NPDC1: variants seen among roughly 807,000 people sequenced by gnomAD.
NPDC1 encodes the protein neural proliferation, differentiation and control 1.
A neutral mutation model predicts 32.5 loss-of-function variants in NPDC1; 18 were observed. The observed-to-expected ratio is 0.55, with a 90% CI of 0.38 to 0.82. NPDC1 has a LOEUF of 0.82. NPDC1 is among the 40% of genes least tolerant of loss of function. NPDC1 has a pLI of 0.00. For synonymous variants in NPDC1, 210 were observed against 184.7 expected, an observed-to-expected ratio of 1.14 and a Z score of -1.11; for missense variants, 468 against 406.6, an observed-to-expected ratio of 1.15 and a Z score of -1.30.
At chr9:137,042,759 T>C (rs536242931) in intron 2 of NPDC1, 168 bp downstream of exon 2, 14 of 728,844 alleles carry the variant, frequency 1.9e-5, no homozygotes, top group South Asian at 1.8e-4. Flanking sequence ...GGTTTCACCA[T>C]GTTGGCCAGG....
chr9:137,040,451 A>C lies in NPDC1; in HGVS notation c.709-15T>G, dbSNP rs201771617. 5.6e-3 allele frequency: 8,665 copies of C among 1,558,722 alleles called. 34 individuals are homozygous for C. Among genetic ancestry groups the C allele is most frequent in the Non-Finnish European group, 6.7e-3 (7,711 of 1,153,226 alleles). ...TGGTCCCCAGGCTGTGGGAAGGAGG[A>C]GGCGAGGGTCAGTTGGCGGCCAGAG... On this transcript the variant is annotated splice_polypyrimidine_tract_variant and intron_variant, in intron 6 of 8. Coordinates refer to ENST00000371601, the MANE Select transcript of NPDC1 (RefSeq NM_015392.4).
chr9:137,041,262 G>A (rs1242978285), intron 2 of NPDC1, 75 bp from the exon 3 acceptor site: 2 of 1,334,174 alleles, frequency 1.5e-6, no homozygotes, highest in East Asian at 3.0e-5. Flanking sequence ...CCCCGCTTCT[G>A]GCAGGTTCCT....
intron 2 of NPDC1, chr9:137,042,722 G>A (rs1832075924): frequency 1.7e-6 from 1 of 583,994 alleles, no homozygotes; most frequent in South Asian, 2.4e-5. Flanking sequence ...ACCACACCCG[G>A]CTACTTTGTA....
At position 137,040,553 on chromosome 9, in the gene NPDC1, A is replaced by G. The variant is rs1450527468; in HGVS notation, c.669T>C (p.Thr223=). The change falls in exon 6 of 9, where the codon ACT becomes ACC. Residue 223 remains threonine, a synonymous_variant. Coordinates refer to ENST00000371601, the MANE Select transcript of NPDC1 (RefSeq NM_015392.4). ...CTGCAGGTGAGCCAGGGGCCTTCGC[A>G]GTGGCGTAGTCGGCCTTCTGAGTCA... ...IRLTQKADYA[T]AKAPGSPAAP... is the part of the protein sequence containing the mutation. 6 of 1,587,038 alleles carry G rather than the reference A, an allele frequency of 3.8e-6. No homozygotes were observed. The highest frequency in any genetic ancestry group is 3.5e-5 in the Admixed American group (2 of 57,802).
At position 137,046,054 on chromosome 9, in the gene NPDC1, C is replaced by T; in HGVS notation, c.-65G>A. On this transcript the variant is annotated 5_prime_UTR_variant, in exon 1 of 9. Transcript: ENST00000371601. The stretch of plus-strand genomic sequence containing the variant: ...CCAGGGGCTCGGCGCGGGCTCCGGG[C>T]TCCGCGTCGGGAGCAGCGGAGGCAG... 8.7e-7 allele frequency: 1 copy of T among 1,154,116 alleles called. No individual in the cohort carries two copies. The highest frequency in any genetic ancestry group is 4.3e-5 in the South Asian group (1 of 23,248). 71.5% of individuals were successfully genotyped at this position (1,154,116 alleles called of 1,614,324 possible).
rs959706390 is a variant in NPDC1 at position 137,040,360 on chromosome 9, T to G, written c.785A>C (p.Glu262Ala). ...CAGTGCCGGGGCGGCCACTCACCGC[T>G]CCAGGCACAGCATCTGTTGCCGTTG... The part of the protein sequence containing the change: ...QHQRQQMLCL[E>A]RHKEPPKELD... Residue 262 changes from glutamate (E) to alanine (A), a missense_variant, in exon 7 of 9, where the codon GAG becomes GCG. Transcript: ENST00000371601. The G allele has an allele frequency of 1.4e-5, 22 of 1,543,132 alleles. No homozygotes were observed. Among genetic ancestry groups the G allele is most frequent in the Non-Finnish European group, 1.7e-5 (19 of 1,146,546 alleles).
In NPDC1 at chr9:137,039,974, G is replaced by T. The variant is rs757922714; in HGVS notation, c.882C>A (p.Ala294=). 1.3e-6 allele frequency: 1 copy of T among 779,078 alleles called. No individual in the cohort carries two copies. Among genetic ancestry groups the T allele is most frequent in the Admixed American group, 1.7e-5 (1 of 59,016 alleles). The allele number at this position is 779,078 out of a possible 1,614,324, so 48.3% of individuals were successfully genotyped here. A position where few individuals can be genotyped will look rare whatever the true frequency, so the allele number is the denominator to read the frequency against. The change falls in exon 8 of 9, where the codon GCC becomes GCA. Residue 294 remains alanine (A), a synonymous_variant. Coordinates refer to ENST00000371601, the MANE Select transcript of NPDC1 (RefSeq NM_015392.4). ...CCCTGCACCCTGAGGCACTCACCGG[G>T]GCCAGGCCCGGGCACTCGTACACCG... ...DFTVYECPGL[A]PTGEMEVRNP...
chr9:137,041,011 G>A (rs961078253), intron 3 of NPDC1, 27 bp from the exon 4 acceptor site: 4 of 1,525,268 alleles, frequency 2.6e-6, no homozygotes, highest in East Asian at 2.3e-5. Flanking sequence ...GTTAGAATGA[G>A]AGCACTGGGC....
Position 137,040,432 on chromosome 9 carries a change from C to G in NPDC1, c.713G>C (p.Gly238Ala). 2.6e-6 allele frequency: 4 copies of G among 1,554,144 alleles called. No individual in the cohort carries two copies. Among genetic ancestry groups the G allele is most frequent in the Non-Finnish European group, 3.5e-6 (4 of 1,150,146 alleles). The change falls in exon 7 of 9, where the codon GGG (glycine) becomes GCG (alanine). Residue 238 changes from glycine to alanine, a missense_variant. Physicochemically the swap from Gly to Ala is moderately conservative, Grantham distance 60. Transcript: ENST00000371601. The part of the protein sequence containing the change: ...GSPAAPRISP[G>A]DQRLAQSAEM... ...CGCGCTCTGTGCCAGCCGCTGGTCC[C>G]CAGGCTGTGGGAAGGAGGAGGCGAG...
chr9:137,040,875 G>T lies in NPDC1; in HGVS notation c.495C>A (p.Ser165=), dbSNP rs192722326. ...CCAGGGGCGACATGTGCACCGGGTC[G>T]GATGACACAGGGGAGCCCAGGGAGG... is the stretch of plus-strand genomic sequence containing the variant. The part of the protein sequence containing the change: ...PHTSLGSPVS[S]DPVHMSPLEP... The change falls in exon 4 of 9, where the codon TCC becomes TCA. Residue 165 remains serine (S), a synonymous_variant. Transcript: ENST00000371601. 4.4e-6 allele frequency: 7 copies of T among 1,598,742 alleles called. No individual in the cohort carries two copies. Among genetic ancestry groups the T allele is most frequent in the Non-Finnish European group, 6.0e-6 (7 of 1,175,566 alleles).
chr9:137,045,415 G>A (rs988093323), intron 1 of NPDC1, among the ~76,000 whole-genome samples: 1 of 152,262 alleles, frequency 6.6e-6, no homozygotes, highest in Admixed American at 6.5e-5. Flanking sequence ...CAAGGCGTGA[G>A]GACAGGCAGA....
rs751231762 is a variant in NPDC1, at chr9:137,040,993, G to A, written c.386-9C>T. Reference sequence around the variant, plus strand: ...CGAGAAGCCCAGGGTGGCTGCGAGAGAGGACAGGTTAGAATGAGAGCACTG... The same window carrying A: ...CGAGAAGCCCAGGGTGGCTGCGAGAAAGGACAGGTTAGAATGAGAGCACTG... On this transcript the variant is annotated splice_polypyrimidine_tract_variant and intron_variant, in intron 3 of 8. Transcript: ENST00000371601. The A allele has an allele frequency of 6.5e-7, 1 of 1,531,770 alleles. No individual in the cohort carries two copies. The highest frequency in any genetic ancestry group is 1.4e-5 in the African/African-American group (1 of 71,992). The allele number at this position is 1,531,770 out of a possible 1,614,324, so 94.9% of individuals were successfully genotyped here. A position where few individuals can be genotyped will look rare whatever the true frequency, so the allele number is the denominator to read the frequency against.
At position 137,041,186 on chromosome 9, in the gene NPDC1, G is replaced by A. The variant is rs1042923414; in HGVS notation, c.261C>T (p.Gly87=). The change falls in exon 3 of 9, where the codon GGC becomes GGT. Residue 87 remains glycine (G), a splice_region_variant and synonymous_variant. Coordinates refer to ENST00000371601, the MANE Select transcript of NPDC1 (RefSeq NM_015392.4). ...LCVPRMRRPP[G]GGRPQPRLED... ...CCAGTCTGGGCTGGGGCCGGCCCCCGCCTGGGGAGGGTGAGGGGCCATCAG... is the reference window on the plus strand; with the variant it reads ...CCAGTCTGGGCTGGGGCCGGCCCCCACCTGGGGAGGGTGAGGGGCCATCAG... 1.3e-5 allele frequency: 19 copies of A among 1,435,288 alleles called. No homozygotes were observed. Among genetic ancestry groups the A allele is most frequent in the African/African-American group, 7.2e-5 (5 of 69,020 alleles). The allele number at this position is 1,435,288 out of a possible 1,614,324, so 88.9% of individuals were successfully genotyped here. A position where few individuals can be genotyped will look rare whatever the true frequency, so the allele number is the denominator to read the frequency against.
rs1332913718 is a variant in NPDC1, at chr9:137,046,116, A to G, written c.-127T>C. On this transcript the variant is annotated 5_prime_UTR_variant, in exon 1 of 9. Coordinates refer to ENST00000371601, the MANE Select transcript of NPDC1 (RefSeq NM_015392.4). ...GCAGGAGGAAGAAGAGGCGGATGCC[A>G]AGGAGGAGGAGGAGGAAGAGGAAAG... 11 of 1,088,840 alleles carry G rather than the reference A, an allele frequency of 1.0e-5. No individual in the cohort carries two copies. The highest frequency in any genetic ancestry group is 1.7e-5 in the African/African-American group (1 of 59,164). The allele number at this position is 1,088,840 out of a possible 1,614,324, so 67.4% of individuals were successfully genotyped here. A position where few individuals can be genotyped will look rare whatever the true frequency, so the allele number is the denominator to read the frequency against.
chr9:137,040,511 C>A lies in NPDC1; in HGVS notation c.708+3G>T. On this transcript the variant is annotated splice_donor_region_variant and intron_variant, in intron 6 of 8. Transcript: ENST00000371601. ...AGCCTCAGGGCTGAAGGGGGCCACA[C>A]ACCGAGATCCGGGGAGCTGCAGGTG... 2 of 1,588,910 alleles carry A rather than the reference C, an allele frequency of 1.3e-6. No individual in the cohort carries two copies. The highest frequency in any genetic ancestry group is 2.3e-5 in the East Asian group (1 of 43,816).
chr9:137,045,335 G>T (rs939946356), intron 1 of NPDC1, among the ~76,000 whole-genome samples: 2 of 152,252 alleles, frequency 1.3e-5, no homozygotes, highest in Non-Finnish European at 2.9e-5. Context: ...AGCACCCCGA[G>T]CCTGCGCCAT....
chr9:137,042,375 T>C (rs1314957473), intron 2 of NPDC1, among the ~76,000 whole-genome samples: 1 of 151,658 alleles, frequency 6.6e-6, no homozygotes, highest in Non-Finnish European at 1.5e-5. Flanking sequence ...TGCCTTAGCT[T>C]CCCGAGTAGC....
chr9:137,044,332 A>G (rs1440068438), intron 1 of NPDC1, among the ~76,000 whole-genome samples: 1 of 152,154 alleles, frequency 6.6e-6, no homozygotes, highest in African/African-American at 2.4e-5. Flanking sequence ...CACGTTAAAC[A>G]TTAAACCTGT....
intron 1 of NPDC1, chr9:137,043,431 A>C: frequency 1.5e-6 from 1 of 662,330 alleles, no homozygotes; most frequent in Non-Finnish European, 2.8e-6. Flanking sequence ...CCCCACAGCA[A>C]GCCAGGAACC....
Sources: allele counts gnomAD v4.1 joint callset (sites outside exome capture counted in the v4.1 genomes callset), GRCh38; gene constraint gnomAD v4.1.1; transcripts MANE v1.5; gene names NCBI Gene and HGNC (gene_info 2026-07-23, HGNC 2026-07-21).